B3GALT1: variants seen among roughly 807,000 people sequenced by gnomAD.
B3GALT1 encodes the protein beta-1,3-galactosyltransferase 1.
B3GALT1 carries 10 observed loss-of-function variants against 23.2 expected under a neutral mutation model. The observed-to-expected ratio is 0.43, with a 90% CI of 0.27 to 0.73. B3GALT1 has a LOEUF of 0.73. Among genes scored for constraint, B3GALT1 ranks in the 30% least tolerant of loss-of-function variants. The probability of loss-of-function intolerance (pLI) is 0.21; values close to 1 mark genes in which losing one functional copy is unlikely to be tolerated. For missense variants in B3GALT1, 299 were observed against 405.4 expected (o/e 0.74, Z 2.25); for synonymous variants, 156 against 141.5 (o/e 1.10, Z -0.73).
intron 4 of B3GALT1, among the ~76,000 whole-genome samples, chr2:167,867,155 T>A (rs1248737767): frequency 1.3e-5 from 2 of 152,176 alleles, no homozygotes; most frequent in Admixed American, 6.5e-5. Context: ...CTCGATCTCC[T>A]GACCTCGTGA....
chr2:167,622,354 G>A (rs373446922), intron 2 of B3GALT1, among the ~76,000 whole-genome samples: 1 of 152,084 alleles, frequency 6.6e-6, no homozygotes, highest in African/African-American at 2.4e-5. Flanking sequence ...TGAATGTGGG[G>A]TTAAGTGAGC....
intron 1 of B3GALT1, among the ~76,000 whole-genome samples, chr2:167,457,670 G>A (rs1450812834): frequency 6.6e-6 from 1 of 152,094 alleles, no homozygotes; most frequent in Non-Finnish European, 1.5e-5. Context: ...AAATTCTGAG[G>A]ACCAGCAGAA....
At chr2:167,715,045 T>A (rs570557575) in intron 3 of B3GALT1, 9 of 1,611,792 alleles carry the variant, frequency 5.6e-6, no homozygotes, top group East Asian at 2.2e-5. Flanking sequence ...CCACTTCAGA[T>A]AACTGAATAA....
At chr2:167,708,366 G>GA (rs1207845328) in intron 3 of B3GALT1, among the ~76,000 whole-genome samples, 2 of 152,184 alleles carry the variant, frequency 1.3e-5, no homozygotes, top group African/African-American at 4.8e-5. Flanking sequence ...CAAAACACAA[G>GA]AAAATGGAGT....
At chr2:167,457,196 G>T (rs562506273) in intron 1 of B3GALT1, among the ~76,000 whole-genome samples, 4 of 151,786 alleles carry the variant, frequency 2.6e-5, no homozygotes, top group African/African-American at 9.7e-5. Context: ...TTTTTGAGAC[G>T]GAGTCTTACT....
rs111678950 is a variant in B3GALT1 at position 167,339,050 on chromosome 2, C to G, written c.-511+45716C>G. On this transcript the variant is annotated intron_variant, in intron 1 of 4. Coordinates refer to ENST00000392690, the MANE Select transcript of B3GALT1 (RefSeq NM_020981.4). ...AAATTAGAATTATTATCTTGGAGAA[C>G]AGTTTGCTCAAATTAAAGATATGCT... Among the ~76,000 whole-genome samples, 7 of 152,192 alleles carry G rather than the reference C, an allele frequency of 4.6e-5. 1 individual carries two copies. Among genetic ancestry groups the G allele is most frequent in the African/African-American group, 1.7e-4 (7 of 41,558 alleles).
chr2:167,711,747 T>C (rs78859128), intron 3 of B3GALT1, among the ~76,000 whole-genome samples: 1 of 152,290 alleles, frequency 6.6e-6, no homozygotes, highest in African/African-American at 2.4e-5. Context: ...GGCGAGTAGC[T>C]TGATCTCAGG....
At chr2:167,737,078 A>C (rs1223436551) in intron 3 of B3GALT1, among the ~76,000 whole-genome samples, 1 of 152,210 alleles carries the variant, frequency 6.6e-6, no homozygotes, top group Non-Finnish European at 1.5e-5. Context: ...ATTTTTTTCC[A>C]ATAATTACCT....
rs565788024 is a variant in B3GALT1 at position 167,771,913 on chromosome 2, C to T, written c.-351-46759C>T. Among the ~76,000 whole-genome samples the T allele has an allele frequency of 9.2e-5, 14 of 152,314 alleles. No homozygotes were observed. In the South Asian group the frequency reaches 2.7e-3, roughly 29 times the overall value. On this transcript the variant is annotated intron_variant, in intron 3 of 4. Coordinates refer to ENST00000392690, the MANE Select transcript of B3GALT1 (RefSeq NM_020981.4). ...CTCAATCAGGGCCAGGAAGCAGATACGCTAACCAATAATGAAATACAGACT... is the reference window on the plus strand; with the variant it reads ...CTCAATCAGGGCCAGGAAGCAGATATGCTAACCAATAATGAAATACAGACT...
rs192027063 is a variant in B3GALT1 at position 167,782,325 on chromosome 2, G to T, written c.-351-36347G>T. Among the ~76,000 whole-genome samples, 286 of 152,272 alleles carry T rather than the reference G, an allele frequency of 1.9e-3. 1 individual carries two copies. Among genetic ancestry groups the T allele is most frequent in the Middle Eastern group, 3.4e-3 (1 of 294 alleles). ...TATTGAACATCCCTGCATGGGTCTG[G>T]GTGGGTGTGCAGGGTTGAGGGTTGT... On this transcript the variant is annotated intron_variant, in intron 3 of 4. Transcript: ENST00000392690.
chr2:167,371,993 T>A (rs934730218), intron 1 of B3GALT1, among the ~76,000 whole-genome samples: 2 of 151,678 alleles, frequency 1.3e-5, no homozygotes, highest in Non-Finnish European at 2.9e-5. Flanking sequence ...ATGGTTAAAA[T>A]TTCAAAAAAT....
intron 1 of B3GALT1, among the ~76,000 whole-genome samples, chr2:167,451,718 T>G (rs569942185): frequency 3.6e-4 from 55 of 152,234 alleles, no homozygotes; most frequent in African/African-American, 1.3e-3. Flanking sequence ...TGAGGTAGTT[T>G]AGGGAGGATC....
rs73024014 is a variant in B3GALT1 at position 167,490,771 on chromosome 2, G to C, written c.-410+494G>C. Among the ~76,000 whole-genome samples the C allele has an allele frequency of 3.5e-3, 528 of 152,312 alleles. 2 individuals carry two copies. Among genetic ancestry groups the C allele is most frequent in the African/African-American group, 0.013 (521 of 41,572 alleles). On this transcript the variant is annotated intron_variant, in intron 2 of 4. Transcript: ENST00000392690. Reference sequence around the variant, plus strand: ...ACCTTTCCTTTTGGAAAGCCCTACAGTGTCTGCTGCTTTTTATGCATGTCT... The same window carrying C: ...ACCTTTCCTTTTGGAAAGCCCTACACTGTCTGCTGCTTTTTATGCATGTCT...
chr2:167,419,744 A>G (rs1315220082), intron 1 of B3GALT1, among the ~76,000 whole-genome samples: 1 of 152,120 alleles, frequency 6.6e-6, no homozygotes, highest in African/African-American at 2.4e-5. Context: ...CACAAAGATA[A>G]TTATGCTTGC....
At chr2:167,369,454 G>C (rs1225401855) in intron 1 of B3GALT1, among the ~76,000 whole-genome samples, 1 of 152,162 alleles carries the variant, frequency 6.6e-6, no homozygotes, top group Non-Finnish European at 1.5e-5. Flanking sequence ...TTATAGTATA[G>C]ATGTTTTATT....
At chr2:167,653,830 G>A (rs1685907298) in intron 3 of B3GALT1, among the ~76,000 whole-genome samples, 1 of 152,130 alleles carries the variant, frequency 6.6e-6, no homozygotes, top group East Asian at 1.9e-4. Context: ...TCACTGGTTG[G>A]CTCCATTTAG....
At chr2:167,410,384 G>A (rs1045961778) in intron 1 of B3GALT1, among the ~76,000 whole-genome samples, 7 of 151,758 alleles carry the variant, frequency 4.6e-5, no homozygotes, top group South Asian at 2.1e-4. Context: ...ACAGCTACTC[G>A]GGAGGCTGAG....
At chr2:167,481,954 G>A (rs1261967993) in intron 1 of B3GALT1, among the ~76,000 whole-genome samples, 1 of 152,174 alleles carries the variant, frequency 6.6e-6, no homozygotes, top group African/African-American at 2.4e-5. Flanking sequence ...TCTCTTTTAA[G>A]TGAATAGTAT....
At chr2:167,322,507 T>C (rs1399121934) in intron 1 of B3GALT1, among the ~76,000 whole-genome samples, 1 of 152,032 alleles carries the variant, frequency 6.6e-6, no homozygotes, top group Non-Finnish European at 1.5e-5. Flanking sequence ...CACATGAATG[T>C]GCTACATTTT....
Sources: allele counts gnomAD v4.1 joint callset (sites outside exome capture counted in the v4.1 genomes callset), GRCh38; gene constraint gnomAD v4.1.1; transcripts MANE v1.5; gene names NCBI Gene and HGNC (gene_info 2026-07-23, HGNC 2026-07-21).